The following PPM1H variants were observed in gnomAD, a reference collection of about 807,000 sequenced individuals.
The protein encoded by PPM1H is protein phosphatase, Mg2+/Mn2+ dependent 1H, also known as protein phosphatase 1H.
A neutral mutation model predicts 54.9 loss-of-function variants in PPM1H; 27 were observed. The observed-to-expected ratio is 0.49, with a 90% CI of 0.36 to 0.68. The LOEUF (loss-of-function observed/expected upper bound fraction) is 0.68. Among genes scored for constraint, PPM1H ranks in the 30% least tolerant of loss-of-function variants. The probability of loss-of-function intolerance (pLI) is 0.00; values close to 1 mark genes in which losing one functional copy is unlikely to be tolerated. For synonymous variants in PPM1H, 305 were observed against 270.8 expected (o/e 1.13, Z -1.24); for missense variants, 596 against 667.8 (o/e 0.89, Z 1.19).
intron 1 of PPM1H, among the ~76,000 whole-genome samples, chr12:62,897,520 A>T (rs1002559034): frequency 6.6e-6 from 1 of 152,134 alleles, no homozygotes; most frequent in African/African-American, 2.4e-5. Context: ...AGACAATACA[A>T]TGTCTACAAT....
At chr12:62,920,033 C>T (rs1453613035) in intron 1 of PPM1H, among the ~76,000 whole-genome samples, 1 of 152,202 alleles carries the variant, frequency 6.6e-6, no homozygotes, top group Non-Finnish European at 1.5e-5. Context: ...TGCTGCTGCA[C>T]TGAGTCACCA....
At chr12:62,765,425 G>A (rs1021993820) in intron 4 of PPM1H, among the ~76,000 whole-genome samples, 2 of 152,194 alleles carry the variant, frequency 1.3e-5, no homozygotes, top group African/African-American at 4.8e-5. Flanking sequence ...TCCCTGGACT[G>A]ACTGCACCTA....
chr12:62,853,990 T>C (rs906056923), intron 1 of PPM1H, among the ~76,000 whole-genome samples: 6 of 152,164 alleles, frequency 3.9e-5, no homozygotes, highest in Middle Eastern at 3.4e-3. Flanking sequence ...CTTCCATACA[T>C]GCCATCTGCT....
At chr12:62,900,501 A>G (rs752993650) in intron 1 of PPM1H, among the ~76,000 whole-genome samples, 40 of 150,888 alleles carry the variant, frequency 2.7e-4, no homozygotes, top group Admixed American at 5.3e-4. Context: ...AAACCTGCAC[A>G]TTGTGCACAT....
chr12:62,824,680 C>A (rs1002219651), intron 2 of PPM1H, among the ~76,000 whole-genome samples: 1 of 151,962 alleles, frequency 6.6e-6, no homozygotes, highest in Non-Finnish European at 1.5e-5. Context: ...AATGGTGCTG[C>A]GAAAACTGGC....
intron 1 of PPM1H, among the ~76,000 whole-genome samples, chr12:62,838,978 C>T (rs1359947337): frequency 6.9e-6 from 1 of 145,844 alleles, no homozygotes; most frequent in Non-Finnish European, 1.5e-5. Flanking sequence ...CAGAGGGTTT[C>T]ACCTGGCTCC....
chr12:62,924,073 A>G (rs1326704237), intron 1 of PPM1H, among the ~76,000 whole-genome samples: 1 of 152,232 alleles, frequency 6.6e-6, no homozygotes, highest in African/African-American at 2.4e-5. Flanking sequence ...TCCACACTTG[A>G]CAAAATAAAG....
At chr12:62,773,317 A>G (rs534335603) in intron 4 of PPM1H, among the ~76,000 whole-genome samples, 1 of 152,214 alleles carries the variant, frequency 6.6e-6, no homozygotes, top group South Asian at 2.1e-4. Flanking sequence ...CTGTAAAAAT[A>G]AAAATAAATT....
intron 1 of PPM1H, among the ~76,000 whole-genome samples, chr12:62,901,079 G>A (rs699576): frequency 0.57 from 87,406 of 152,048 alleles, 26,300 homozygotes; most frequent in Non-Finnish European, 0.67. Flanking sequence ...TTTCCATGTA[G>A]CCGGATACAT....
intron 8 of PPM1H, among the ~76,000 whole-genome samples, chr12:62,677,360 A>G (rs939577035): frequency 3.9e-5 from 6 of 152,180 alleles, no homozygotes; most frequent in Non-Finnish European, 8.8e-5. Flanking sequence ...ACTGCAGGCA[A>G]TGAGGAGGAG....
At chr12:62,868,584 G>T (rs759805580) in intron 1 of PPM1H, among the ~76,000 whole-genome samples, 6 of 152,152 alleles carry the variant, frequency 3.9e-5, no homozygotes, top group Non-Finnish European at 7.3e-5. Context: ...ATTCTCAGCA[G>T]GAAATGAGCT....
chr12:62,699,213 T>G (rs2076130633), intron 6 of PPM1H, among the ~76,000 whole-genome samples: 1 of 152,218 alleles, frequency 6.6e-6, no homozygotes, highest in South Asian at 2.1e-4. Context: ...TTTATTTTTT[T>G]GAGATGGAGT....
At chr12:62,707,108 G>T (rs1385832754) in intron 6 of PPM1H, among the ~76,000 whole-genome samples, 3 of 152,194 alleles carry the variant, frequency 2.0e-5, no homozygotes, top group African/African-American at 7.2e-5. Flanking sequence ...GAGATGGGGT[G>T]TGTAGCATTT....
At chr12:62,851,765 GTTAC>G (rs771684122) in intron 1 of PPM1H, among the ~76,000 whole-genome samples, 67 of 152,148 alleles carry the variant, frequency 4.4e-4, no homozygotes, top group African/African-American at 1.6e-3. Flanking sequence ...TATTATACTA[GTTAC>G]TTATTCTGAA....
At chr12:62,707,839 CTGAT>C (rs1161882378) in intron 6 of PPM1H, among the ~76,000 whole-genome samples, 1 of 152,152 alleles carries the variant, frequency 6.6e-6, no homozygotes, top group Admixed American at 6.5e-5. Context: ...GTAGTTGAAA[CTGAT>C]TGTCCCACAG....
chr12:62,718,803 C>A (rs2076248791), intron 6 of PPM1H, among the ~76,000 whole-genome samples: 1 of 152,168 alleles, frequency 6.6e-6, no homozygotes, highest in Non-Finnish European at 1.5e-5. Flanking sequence ...AAAACCCAGT[C>A]AGGGTTGGTA....
chr12:62,698,165 GCCA>G (rs752871218), intron 6 of PPM1H, among the ~76,000 whole-genome samples: 1 of 151,670 alleles, frequency 6.6e-6, no homozygotes, highest in African/African-American at 2.4e-5. Context: ...AGACTGAAAT[GCCA>G]CCAAGACAGC....
At chr12:62,843,224 G>A (rs562691944) in intron 1 of PPM1H, among the ~76,000 whole-genome samples, 2 of 152,308 alleles carry the variant, frequency 1.3e-5, no homozygotes, top group East Asian at 3.9e-4. Flanking sequence ...GCTGAGGCAC[G>A]AGAATTGCTT....
chr12:62,756,484 G>GT (rs1565779483), intron 4 of PPM1H, among the ~76,000 whole-genome samples: 1 of 151,808 alleles, frequency 6.6e-6, no homozygotes, highest in African/African-American at 2.4e-5. Flanking sequence ...TGTAATCACA[G>GT]TTTTTTTAAA....
Sources: gnomAD v4.1 joint callset for allele counts (sites outside exome capture counted in the v4.1 genomes callset) on GRCh38, gnomAD v4.1.1 for gene constraint, MANE v1.5 for transcripts, NCBI Gene and HGNC (gene_info 2026-07-23, HGNC 2026-07-21) for gene names.